Variants in STK33 observed in about 807,000 individuals in gnomAD.
The protein encoded by STK33 is serine/threonine kinase 33, also known as serine/threonine-protein kinase 33.
STK33 carries 52 observed loss-of-function variants against 58.0 expected under a neutral mutation model. The observed-to-expected ratio is 0.90, with a 90% CI of 0.72 to 1.13. The LOEUF (loss-of-function observed/expected upper bound fraction) is 1.13, where lower values mean the gene tolerates loss of function less well. Among genes scored for constraint, STK33 ranks in the 50% most tolerant of loss-of-function variants. The pLI is 0.00. For synonymous variants in STK33, 215 were observed against 200.1 expected (o/e 1.07, Z -0.63); for missense variants, 630 against 604.2 (o/e 1.04, Z -0.45).
chr11:8,482,831 G>A (rs986451981), intron 1 of STK33, among the ~76,000 whole-genome samples: 2 of 151,878 alleles, frequency 1.3e-5, no homozygotes, highest in African/African-American at 4.8e-5. Context: ...CCGGGTTCAC[G>A]CCATTCTCCT....
chr11:8,353,534 G>T, the STK33 span, among the ~76,000 whole-genome samples: 2 of 152,108 alleles, frequency 1.3e-5, no homozygotes, highest in Admixed American at 6.5e-5. Flanking sequence ...TGCTGAAATC[G>T]GTTAGAACAG....
At chr11:8,383,465 G>A in the STK33 span, among the ~76,000 whole-genome samples, 1 of 152,346 alleles carries the variant, frequency 6.6e-6, no homozygotes, top group African/African-American at 2.4e-5. Context: ...CACTGGAGCT[G>A]GCTGTGGGTG....
intron 15 of STK33, among the ~76,000 whole-genome samples, chr11:8,396,975 T>G (rs553675105): frequency 6.6e-6 from 1 of 152,342 alleles, no homozygotes; most frequent in African/African-American, 2.4e-5. Context: ...AAGCTCGAAC[T>G]GGGTGGAGCC....
chr11:8,470,087 C>T (rs534485568), intron 6 of STK33, among the ~76,000 whole-genome samples: 1 of 152,298 alleles, frequency 6.6e-6, no homozygotes, highest in African/African-American at 2.4e-5. Context: ...GTCAGTCTGT[C>T]CTTTGGGGCT....
At chr11:8,469,267 G>A (rs867340008) in intron 6 of STK33, among the ~76,000 whole-genome samples, 3 of 152,180 alleles carry the variant, frequency 2.0e-5, no homozygotes, top group Non-Finnish European at 4.4e-5. Context: ...AAGTTTATGT[G>A]ATATTCTAAA....
intron 1 of STK33, among the ~76,000 whole-genome samples, chr11:8,508,266 C>CTTTTTTTTT (rs34759366): frequency 6.1e-5 from 7 of 114,258 alleles, no homozygotes; most frequent in Non-Finnish European, 8.4e-5. Flanking sequence ...ACCTTCTATT[C>CTTTTTTTTT]TTTTTTTTTT....
At chr11:8,353,701 C>T in the STK33 span, among the ~76,000 whole-genome samples, 2 of 152,184 alleles carry the variant, frequency 1.3e-5, no homozygotes, top group South Asian at 2.1e-4. Context: ...GGGTCTTCCT[C>T]GGAGGAGGCC....
intron 1 of STK33, among the ~76,000 whole-genome samples, chr11:8,534,295 T>C (rs764232200): frequency 1.5e-3 from 231 of 151,906 alleles, no homozygotes; most frequent in African/African-American, 5.0e-3. Context: ...AAAAATTGTT[T>C]ATACGTGCAT....
At chr11:8,505,399 G>C (rs79010932) in intron 1 of STK33, among the ~76,000 whole-genome samples, 2 of 152,106 alleles carry the variant, frequency 1.3e-5, no homozygotes, top group Non-Finnish European at 1.5e-5. Flanking sequence ...TGACATTCTC[G>C]GACAGATGTC....
intron 1 of STK33, among the ~76,000 whole-genome samples, chr11:8,519,632 T>G (rs1285345561): frequency 6.6e-6 from 1 of 151,854 alleles, no homozygotes; most frequent in African/African-American, 2.4e-5. Context: ...AAGAATCAAA[T>G]AGACACAATA....
the STK33 span, among the ~76,000 whole-genome samples, chr11:8,383,625 G>T: frequency 6.6e-6 from 1 of 152,192 alleles, no homozygotes; most frequent in South Asian, 2.1e-4. Context: ...GCTATTGAGG[G>T]CTTGTAAACT....
At chr11:8,539,191 T>C (rs1481489932) in intron 1 of STK33, among the ~76,000 whole-genome samples, 1 of 152,172 alleles carries the variant, frequency 6.6e-6, no homozygotes, top group African/African-American at 2.4e-5. Flanking sequence ...AACAAAATTG[T>C]AGATAACTTT....
chr11:8,339,593 G>C, the STK33 span, among the ~76,000 whole-genome samples: 198 of 152,336 alleles, frequency 1.3e-3, no homozygotes, highest in African/African-American at 4.8e-3. Flanking sequence ...CCCTGCGCTC[G>C]GCGGCAGAGG....
intron 12 of STK33, among the ~76,000 whole-genome samples, chr11:8,440,209 A>ATGGGAAC (rs1944566680): frequency 1.3e-5 from 2 of 152,102 alleles, no homozygotes; most frequent in South Asian, 4.1e-4. Flanking sequence ...CAACATCATT[A>ATGGGAAC]TGGGAACTGG....
intron 1 of STK33, among the ~76,000 whole-genome samples, chr11:8,523,845 C>T (rs1210173347): frequency 6.6e-6 from 1 of 152,198 alleles, no homozygotes; most frequent in Non-Finnish European, 1.5e-5. Context: ...GAGAATGGGC[C>T]ATGATGACGA....
At chr11:8,508,934 T>C (rs1407152548) in intron 1 of STK33, among the ~76,000 whole-genome samples, 1 of 151,924 alleles carries the variant, frequency 6.6e-6, no homozygotes, top group Non-Finnish European at 1.5e-5. Context: ...CTGACCAACA[T>C]AGAGGAACCC....
At chr11:8,519,525 A>T (rs1282108628) in intron 1 of STK33, among the ~76,000 whole-genome samples, 1 of 152,136 alleles carries the variant, frequency 6.6e-6, no homozygotes, top group Non-Finnish European at 1.5e-5. Context: ...GACACAAAAA[A>T]CCCTTCAAAA....
intron 1 of STK33, among the ~76,000 whole-genome samples, chr11:8,543,101 T>C (rs1454516362): frequency 6.6e-6 from 1 of 152,200 alleles, no homozygotes; most frequent in African/African-American, 2.4e-5. Flanking sequence ...ATGTATCTAC[T>C]CATTCATTAG....
At chr11:8,525,668 A>T (rs1953959946) in intron 1 of STK33, among the ~76,000 whole-genome samples, 1 of 152,212 alleles carries the variant, frequency 6.6e-6, no homozygotes. Context: ...AAGATGCTTT[A>T]TGACCCTGGG....
Sources: allele counts gnomAD v4.1 joint callset (sites outside exome capture counted in the v4.1 genomes callset), GRCh38; gene constraint gnomAD v4.1.1; transcripts MANE v1.5; gene names NCBI Gene and HGNC (gene_info 2026-07-23, HGNC 2026-07-21).